The following CPQ variants were observed in gnomAD, a reference collection of about 807,000 sequenced individuals.
The protein encoded by CPQ is carboxypeptidase Q, also known as Ser-Met dipeptidase.
CPQ carries 37 observed loss-of-function variants against 45.7 expected under a neutral mutation model. The ratio of observed to expected loss-of-function variants is 0.81; its 90% CI spans 0.62 to 1.07. The LOEUF is 1.07. CPQ is among the 50% of genes least tolerant of loss of function. The probability of loss-of-function intolerance (pLI) is 0.00; values close to 1 mark genes in which losing one functional copy is unlikely to be tolerated. For synonymous variants in CPQ, 186 were observed against 205.8 expected (o/e 0.90, Z 0.82); for missense variants, 537 against 572.9 (o/e 0.94, Z 0.64).
intron 4 of CPQ, among the ~76,000 whole-genome samples, chr8:96,908,003 G>A (rs1320641004): frequency 6.6e-6 from 1 of 152,042 alleles, no homozygotes; most frequent in African/African-American, 2.4e-5. Flanking sequence ...GGCAGAAAAT[G>A]AGTTCACAGG....
At chr8:97,068,456 A>AC (rs1219950738) in intron 7 of CPQ, among the ~76,000 whole-genome samples, 1 of 152,042 alleles carries the variant, frequency 6.6e-6, no homozygotes, top group Non-Finnish European at 1.5e-5. Context: ...ACATGGTGAA[A>AC]CCCCAGCTCT....
chr8:97,082,372 C>T (rs1245770601), intron 7 of CPQ, among the ~76,000 whole-genome samples: 1 of 150,522 alleles, frequency 6.6e-6, no homozygotes, highest in Non-Finnish European at 1.5e-5. Context: ...TACAGTGACC[C>T]AGCCTGGCTC....
At chr8:96,711,245 G>A (rs1324963330) in intron 1 of CPQ, among the ~76,000 whole-genome samples, 2 of 152,106 alleles carry the variant, frequency 1.3e-5, no homozygotes, top group Non-Finnish European at 2.9e-5. Flanking sequence ...CTTGAAGACA[G>A]CAGATATTTG....
intron 1 of CPQ, among the ~76,000 whole-genome samples, 154 bp downstream of exon 1, chr8:96,645,556 G>A (rs2130698763): frequency 6.6e-6 from 1 of 152,316 alleles, no homozygotes. Context: ...GGGCGTGACG[G>A]GAGGACCTGG....
At chr8:96,868,740 T>A (rs1456299895) in intron 3 of CPQ, among the ~76,000 whole-genome samples, 1 of 152,024 alleles carries the variant, frequency 6.6e-6, no homozygotes, top group Non-Finnish European at 1.5e-5. Context: ...TATAAAACTT[T>A]ATATTGCTTA....
chr8:97,078,566 A>C (rs1427036199), intron 7 of CPQ, among the ~76,000 whole-genome samples: 1 of 152,102 alleles, frequency 6.6e-6, no homozygotes. Context: ...GGAACAACAT[A>C]ATCACTCATT....
chr8:97,112,836 G>A (rs1285587123), intron 7 of CPQ, among the ~76,000 whole-genome samples: 1 of 152,234 alleles, frequency 6.6e-6, no homozygotes, highest in Non-Finnish European at 1.5e-5. Context: ...AAGGAGTAAA[G>A]GATGGGGCTC....
Position 96,732,014 on chromosome 8 carries a change from TG to T in CPQ, c.-34-52849del, listed in dbSNP as rs113210757. Among the ~76,000 whole-genome samples, 687 of 152,258 alleles carry T rather than the reference TG, an allele frequency of 4.5e-3. 11 individuals are homozygous for T. The highest frequency in any genetic ancestry group is 0.015 in the African/African-American group (625 of 41,548). On this transcript the variant is annotated intron_variant, in intron 1 of 7. Transcript: ENST00000220763. ...AGACATTAGTAAATAGTGAAATGGT[TG>T]TAAGTGTTCAGGGAGATGACAAAAG...
chr8:96,792,177 A>G lies in CPQ; in HGVS notation c.433+6847A>G, dbSNP rs12679825. 2.0e-3 allele frequency among the ~76,000 whole-genome samples: 308 copies of G among 152,366 alleles called. 8 individuals carry two copies. The highest frequency in any genetic ancestry group is 0.018 in the Admixed American group (273 of 15,296). On this transcript the variant is annotated intron_variant, in intron 2 of 7. Transcript: ENST00000220763. Reference sequence around the variant, plus strand: ...TCTGTGGAGAGTTTGAAGAAGGCAGATATACAAGCAGGCCAAGTCCGAAGA... The same window carrying G: ...TCTGTGGAGAGTTTGAAGAAGGCAGGTATACAAGCAGGCCAAGTCCGAAGA...
chr8:96,847,612 T>C (rs927255243), intron 3 of CPQ, among the ~76,000 whole-genome samples: 1 of 152,180 alleles, frequency 6.6e-6, no homozygotes, highest in African/African-American at 2.4e-5. Flanking sequence ...GTCAACTAAT[T>C]AGGAGTGTGT....
rs375297135 is a variant in CPQ at position 97,088,602 on chromosome 8, AATTGAT to A, written c.1255+22396_1255+22401del. ...CCGTTTCAACAGTGAAAATGAGAAT[AATTGAT>A]ATTTAAATGCTACAGTAGCTGAGGC... On this transcript the variant is annotated intron_variant, in intron 7 of 7. Transcript: ENST00000220763. 8.1e-3 allele frequency among the ~76,000 whole-genome samples: 1,237 copies of A among 152,276 alleles called. 15 individuals are homozygous for A. Among genetic ancestry groups the A allele is most frequent in the South Asian group, 0.032 (153 of 4,828 alleles).
chr8:96,712,876 A>G (rs907861365), intron 1 of CPQ, among the ~76,000 whole-genome samples: 1 of 150,930 alleles, frequency 6.6e-6, no homozygotes, highest in Non-Finnish European at 1.5e-5. Context: ...TTCTCCCACA[A>G]ATTTTTTTTT....
chr8:96,908,747 G>GCACACACACACACACACA lies in CPQ; in HGVS notation c.849+28756_849+28773dup, dbSNP rs34425501. Among the ~76,000 whole-genome samples the GCACACACACACACACACA allele has an allele frequency of 1.6e-3, 226 of 141,016 alleles. 1 individual carries two copies. Among genetic ancestry groups the GCACACACACACACACACA allele is most frequent in the African/African-American group, 5.4e-3 (210 of 38,710 alleles). The allele number at this position is 141,016 out of a possible 152,430, so 92.5% of individuals were successfully genotyped here. ...TCTCTTTTCAGTTTTATACACATGC[G>GCACACACACACACACACA]CACACACACACACACACACACACAC... On this transcript the variant is annotated intron_variant, in intron 4 of 7. Transcript: ENST00000220763.
At chr8:96,835,329 T>C in intron 3 of CPQ, 149 bp downstream of exon 3, 1 of 557,682 alleles carries the variant, frequency 1.8e-6, no homozygotes, top group East Asian at 3.4e-5. Context: ...ATTCCACATT[T>C]GGTCATTTGT....
At chr8:96,733,665 A>G (rs1345776699) in intron 1 of CPQ, among the ~76,000 whole-genome samples, 1 of 152,214 alleles carries the variant, frequency 6.6e-6, no homozygotes, top group Non-Finnish European at 1.5e-5. Context: ...ATTTAATCCA[A>G]TATGTCAGAA....
intron 3 of CPQ, among the ~76,000 whole-genome samples, chr8:96,840,162 A>C (rs1018388908): frequency 6.6e-6 from 1 of 152,156 alleles, no homozygotes; most frequent in Non-Finnish European, 1.5e-5. Flanking sequence ...TGACCAAGAG[A>C]AAGGAGGTGG....
At chr8:96,880,747 T>G (rs1356271671) in intron 4 of CPQ, among the ~76,000 whole-genome samples, 2 of 151,436 alleles carry the variant, frequency 1.3e-5, no homozygotes, top group Non-Finnish European at 2.9e-5. Context: ...ACATAAATAC[T>G]GGAAGAATAG....
Position 97,143,354 on chromosome 8 carries a change from G to A in CPQ, c.*171G>A. On this transcript the variant is annotated 3_prime_UTR_variant, in exon 8 of 8. Transcript: ENST00000220763. ...ATACTTTCCAAATTCTCTGATTCTA[G>A]AAAAAGGAATCATTCTCCCCTCCCT... 1.6e-6 allele frequency: 1 copy of A among 635,520 alleles called. No homozygotes were observed. Among genetic ancestry groups the A allele is most frequent in the Non-Finnish European group, 2.6e-6 (1 of 383,856 alleles). 39.4% of individuals were successfully genotyped at this position (635,520 alleles called of 1,614,324 possible).
At chr8:97,110,690 A>C (rs1245567679) in intron 7 of CPQ, among the ~76,000 whole-genome samples, 3 of 152,002 alleles carry the variant, frequency 2.0e-5, no homozygotes, top group Non-Finnish European at 2.9e-5. Context: ...AGAGCATCTT[A>C]TCTCATCTCC....
Sources: allele counts gnomAD v4.1 joint callset (sites outside exome capture counted in the v4.1 genomes callset), GRCh38; gene constraint gnomAD v4.1.1; transcripts MANE v1.5; gene names NCBI Gene and HGNC (gene_info 2026-07-23, HGNC 2026-07-21).